Variants in ARHGAP24 observed in about 807,000 individuals in gnomAD.
ARHGAP24 encodes Rho GTPase activating protein 24.
A neutral mutation model predicts 76.4 loss-of-function variants in ARHGAP24; 50 were observed. That is an observed-to-expected ratio of 0.65 (90% CI 0.52 to 0.83). ARHGAP24 has a LOEUF of 0.83. Among genes scored for constraint, ARHGAP24 ranks in the 40% least tolerant of loss-of-function variants. The probability of loss-of-function intolerance (pLI) is 0.00; values close to 1 mark genes in which losing one functional copy is unlikely to be tolerated. For missense variants in ARHGAP24, 930 were observed against 914.2 expected, an observed-to-expected ratio of 1.02 and a Z score of -0.22; for synonymous variants, 345 against 323.3, an observed-to-expected ratio of 1.07 and a Z score of -0.72.
At chr4:85,891,425 C>A (rs1477693214) in intron 3 of ARHGAP24, among the ~76,000 whole-genome samples, 1 of 105,064 alleles carries the variant, frequency 9.5e-6, no homozygotes, top group East Asian at 2.8e-4. Context: ...AGAGGGCATC[C>A]CTGTCTTGTG....
chr4:85,916,986 T>C (rs1472248318), intron 3 of ARHGAP24, among the ~76,000 whole-genome samples: 2 of 152,170 alleles, frequency 1.3e-5, no homozygotes, highest in African/African-American at 4.8e-5. Context: ...TATGTATACA[T>C]GTGCCATATT....
At chr4:85,678,626 G>GA (rs1261517192) in intron 2 of ARHGAP24, among the ~76,000 whole-genome samples, 1 of 152,100 alleles carries the variant, frequency 6.6e-6, no homozygotes, top group East Asian at 1.9e-4. Context: ...CAGTCAGGTT[G>GA]AAAAAATGAT....
At chr4:85,584,336 C>G (rs1727752613) in intron 2 of ARHGAP24, among the ~76,000 whole-genome samples, 1 of 150,804 alleles carries the variant, frequency 6.6e-6, no homozygotes, top group African/African-American at 2.4e-5. Flanking sequence ...TAAACTATCA[C>G]AAGGACAAAA....
chr4:85,854,140 A>G (rs1405969800), intron 3 of ARHGAP24, among the ~76,000 whole-genome samples: 1 of 141,676 alleles, frequency 7.1e-6, no homozygotes, highest in Non-Finnish European at 1.5e-5. Flanking sequence ...TGTCTCAAAA[A>G]AAAAAAAAAA....
intron 3 of ARHGAP24, among the ~76,000 whole-genome samples, chr4:85,760,320 A>C (rs560202455): frequency 6.6e-6 from 1 of 152,306 alleles, no homozygotes; most frequent in Admixed American, 6.5e-5. Flanking sequence ...ATCTATAGTA[A>C]TATTACATAT....
chr4:85,655,584 C>T (rs1200922171), intron 2 of ARHGAP24, among the ~76,000 whole-genome samples: 1 of 151,668 alleles, frequency 6.6e-6, no homozygotes, highest in Non-Finnish European at 1.5e-5. Flanking sequence ...GAGTTCGAGA[C>T]CAGACTGGCC....
intron 3 of ARHGAP24, among the ~76,000 whole-genome samples, chr4:85,743,583 C>CA (rs1421619649): frequency 2.0e-5 from 3 of 151,622 alleles, no homozygotes; most frequent in African/African-American, 7.3e-5. Flanking sequence ...CAAAACAAAA[C>CA]AAAAACAGAA....
At chr4:85,845,256 T>C (rs1371144872) in intron 3 of ARHGAP24, among the ~76,000 whole-genome samples, 1 of 152,212 alleles carries the variant, frequency 6.6e-6, no homozygotes, top group African/African-American at 2.4e-5. Context: ...GTAAAAATTG[T>C]ATTATACATA....
At chr4:85,519,979 T>G (rs1724673961) in intron 1 of ARHGAP24, among the ~76,000 whole-genome samples, 1 of 152,186 alleles carries the variant, frequency 6.6e-6, no homozygotes, top group Non-Finnish European at 1.5e-5. Flanking sequence ...CTATCCCTTA[T>G]TCCTCTCACC....
chr4:85,930,493 C>T (rs1334907364), intron 4 of ARHGAP24: 2 of 991,528 alleles, frequency 2.0e-6, no homozygotes, highest in Middle Eastern at 5.1e-4. Flanking sequence ...GTCATTGTTC[C>T]TCTTTCCTCT....
At chr4:85,492,032 CCT>C (rs1455422162) in intron 1 of ARHGAP24, among the ~76,000 whole-genome samples, 1 of 150,996 alleles carries the variant, frequency 6.6e-6, no homozygotes, top group Non-Finnish European at 1.5e-5. Context: ...CTTTTTATTT[CCT>C]CTCTCTCTTC....
chr4:85,955,922 A>G (rs1467360039), intron 5 of ARHGAP24, among the ~76,000 whole-genome samples: 2 of 152,214 alleles, frequency 1.3e-5, no homozygotes, highest in Non-Finnish European at 2.9e-5. Flanking sequence ...AGACAGCCTG[A>G]AAGATACACC....
intron 2 of ARHGAP24, among the ~76,000 whole-genome samples, chr4:85,625,216 T>C (rs1720898357): frequency 6.6e-6 from 1 of 152,350 alleles, no homozygotes; most frequent in South Asian, 2.1e-4. Context: ...TTTAGTGCTA[T>C]AAATTTCCCT....
chr4:85,533,208 A>G (rs1284189436), intron 1 of ARHGAP24, among the ~76,000 whole-genome samples: 3 of 152,194 alleles, frequency 2.0e-5, no homozygotes, highest in Admixed American at 1.3e-4. Context: ...AATGTTTCCT[A>G]TCAATTGAAA....
intron 3 of ARHGAP24, among the ~76,000 whole-genome samples, chr4:85,764,741 A>G (rs1327254768): frequency 1.3e-5 from 2 of 152,126 alleles, no homozygotes; most frequent in East Asian, 3.8e-4. Context: ...CTGAATGCTC[A>G]CAAGGAAAGA....
chr4:85,477,711 A>C (rs1468320195), intron 1 of ARHGAP24, among the ~76,000 whole-genome samples: 1 of 152,148 alleles, frequency 6.6e-6, no homozygotes, highest in Non-Finnish European at 1.5e-5. Context: ...GTTGGTGTTT[A>C]CCAACAGTTC....
At chr4:85,890,493 C>T (rs915412313) in intron 3 of ARHGAP24, among the ~76,000 whole-genome samples, 1 of 152,114 alleles carries the variant, frequency 6.6e-6, no homozygotes, top group Non-Finnish European at 1.5e-5. Flanking sequence ...ACAAACATAA[C>T]CACAGAGGGA....
At chr4:85,979,151 T>A (rs1020252654) in intron 8 of ARHGAP24, among the ~76,000 whole-genome samples, 1 of 152,206 alleles carries the variant, frequency 6.6e-6, no homozygotes, top group African/African-American at 2.4e-5. Flanking sequence ...AAATCCATGT[T>A]TGATCTGCTT....
At position 85,809,086 on chromosome 4, in the gene ARHGAP24, G is replaced by A. The variant is rs115203630; in HGVS notation, c.268+87114G>A. ...ACCTGTTAAAGTTTTAGGTAAACAA[G>A]GGGAGATACCAGCCTCAGGGTCAAC... On this transcript the variant is annotated intron_variant, in intron 3 of 9. Transcript: ENST00000395184. 9.9e-3 allele frequency among the ~76,000 whole-genome samples: 1,508 copies of A among 152,286 alleles called. 29 individuals are homozygous for A. The highest frequency in any genetic ancestry group is 0.034 in the African/African-American group (1,410 of 41,560).
Sources: allele counts gnomAD v4.1 joint callset (sites outside exome capture counted in the v4.1 genomes callset), GRCh38; gene constraint gnomAD v4.1.1; transcripts MANE v1.5; gene names NCBI Gene and HGNC (gene_info 2026-07-23, HGNC 2026-07-21).